RBFOX3: variants seen among roughly 807,000 people sequenced by gnomAD.
RBFOX3 encodes RNA binding fox-1 homolog 3.
In RBFOX3, 17 loss-of-function variants were observed where a neutral mutation model predicts 48.7. The observed-to-expected ratio is 0.35, with a 90% CI of 0.24 to 0.52. RBFOX3 has a LOEUF of 0.52. Ranked by LOEUF, RBFOX3 falls within the 20% of genes least tolerant of loss-of-function variation. The probability of loss-of-function intolerance (pLI) is 0.94; values close to 1 mark genes in which losing one functional copy is unlikely to be tolerated. For synonymous variants in RBFOX3, 212 were observed against 209.5 expected (o/e 1.01, Z -0.10); for missense variants, 382 against 497.5 (o/e 0.77, Z 2.21).
intron 1 of RBFOX3, among the ~76,000 whole-genome samples, chr17:79,555,979 C>A (rs916957022): frequency 1.1e-4 from 17 of 152,086 alleles, no homozygotes; most frequent in Admixed American, 3.9e-4. Flanking sequence ...AAACCCAATA[C>A]CATACAGTGA....
chr17:79,150,197 T>C (rs2144765406), intron 4 of RBFOX3, among the ~76,000 whole-genome samples: 1 of 151,376 alleles, frequency 6.6e-6, no homozygotes, highest in African/African-American at 2.4e-5. Flanking sequence ...GCGGCAGCTG[T>C]GGGCCACGAC....
At chr17:79,556,685 C>T (rs1043701909) in intron 1 of RBFOX3, among the ~76,000 whole-genome samples, 5 of 152,268 alleles carry the variant, frequency 3.3e-5, no homozygotes, top group East Asian at 3.9e-4. Flanking sequence ...GAAGAAAAGA[C>T]GGGCAAAATA....
At chr17:79,412,516 A>C (rs2148606486) in intron 2 of RBFOX3, among the ~76,000 whole-genome samples, 1 of 150,070 alleles carries the variant, frequency 6.7e-6, no homozygotes, top group South Asian at 2.1e-4. Context: ...GTGTGTATGA[A>C]TGCATTGTGT....
chr17:79,489,759 T>A (rs2080215753), intron 1 of RBFOX3, among the ~76,000 whole-genome samples: 1 of 152,160 alleles, frequency 6.6e-6, no homozygotes, highest in Admixed American at 6.5e-5. Flanking sequence ...CACTAGCTTC[T>A]CCCTGGGTGC....
Position 79,481,949 on chromosome 17 carries a change from C to T in RBFOX3, c.-175+505G>A, listed in dbSNP as rs1446126588. On this transcript the variant is annotated intron_variant, in intron 2 of 14. Transcript: ENST00000693108. This position sits in a 1 kb window ranked among gnomAD's most constrained non-coding sequence, Gnocchi z 5.4. The stretch of plus-strand genomic sequence containing the variant: ...CAAACCCTGTGGAGTCTGACGCTGA[C>T]TCCGGCGGTTAGTGTCAGAGCTGAA... Among the ~76,000 whole-genome samples, 2 of 152,170 alleles carry T rather than the reference C, an allele frequency of 1.3e-5. No homozygotes were observed. The highest frequency in any genetic ancestry group is 4.8e-5 in the African/African-American group (2 of 41,442).
At chr17:79,191,011 A>G (rs977098) in intron 4 of RBFOX3, among the ~76,000 whole-genome samples, 3 of 152,172 alleles carry the variant, frequency 2.0e-5, no homozygotes, top group Non-Finnish European at 2.9e-5. Context: ...AACTGAGGAA[A>G]CAGCATTCAG....
intron 2 of RBFOX3, among the ~76,000 whole-genome samples, chr17:79,372,030 G>A (rs896206109): frequency 9.9e-5 from 15 of 152,234 alleles, no homozygotes; most frequent in Middle Eastern, 3.4e-3. Context: ...AGGCAGGTTC[G>A]AGGAGACCCT....
chr17:79,216,470 A>G (rs1205095582), intron 4 of RBFOX3, among the ~76,000 whole-genome samples: 1 of 152,008 alleles, frequency 6.6e-6, no homozygotes, highest in Non-Finnish European at 1.5e-5. Flanking sequence ...GCATTGTAGG[A>G]GCAGCTTAGA....
intron 2 of RBFOX3, among the ~76,000 whole-genome samples, chr17:79,463,700 ACCACTGCCACCTCCACCG>A (rs1190728594): frequency 8.5e-6 from 1 of 117,152 alleles, no homozygotes; most frequent in Non-Finnish European, 1.7e-5. Context: ...CACTGCCATC[ACCACTGCCACCTCCACCG>A]CCACTGCCAC....
chr17:79,521,630 C>T (rs2086116739), intron 1 of RBFOX3, among the ~76,000 whole-genome samples: 8 of 152,120 alleles, frequency 5.3e-5, no homozygotes. Flanking sequence ...CAGACATACT[C>T]ATATACACTC....
intron 4 of RBFOX3, among the ~76,000 whole-genome samples, chr17:79,213,128 A>C (rs2058593298): frequency 6.6e-6 from 1 of 152,174 alleles, no homozygotes. Flanking sequence ...AAGTGCTGGG[A>C]TTACAGGTGT....
chr17:79,635,916 G>A, the RBFOX3 span, among the ~76,000 whole-genome samples: 1 of 152,174 alleles, frequency 6.6e-6, no homozygotes, highest in Non-Finnish European at 1.5e-5. Context: ...TACCAGGATA[G>A]AACAAGGTTC....
chr17:79,399,035 A>G (rs59810835), intron 2 of RBFOX3, among the ~76,000 whole-genome samples: 17,519 of 152,204 alleles, frequency 0.12, 1,268 homozygotes, highest in Middle Eastern at 0.18. Context: ...AGAAGGACGC[A>G]TGACGGCAGA....
intron 2 of RBFOX3, among the ~76,000 whole-genome samples, chr17:79,399,537 G>T (rs760954182): frequency 3.9e-5 from 6 of 151,986 alleles, no homozygotes; most frequent in Non-Finnish European, 7.4e-5. Context: ...CACCATCAGG[G>T]GTCATCAAAT....
At position 79,170,292 on chromosome 17, in the gene RBFOX3, T is replaced by C. The variant is rs374161305; in HGVS notation, c.-33-54544A>G. Among the ~76,000 whole-genome samples the C allele has an allele frequency of 8.5e-5, 13 of 152,076 alleles. No homozygotes were observed. The East Asian group carries it at 2.1e-3, about 25-fold the overall frequency. On this transcript the variant is annotated intron_variant, in intron 4 of 14. Transcript: ENST00000693108. ...AGCTTCCAGGAGGGCCAAGTGTTCA[T>C]GGCTGGCTGGGGTACCGGCTCCGGT...
chr17:79,127,125 T>C (rs2037505334), intron 4 of RBFOX3, among the ~76,000 whole-genome samples: 1 of 152,236 alleles, frequency 6.6e-6, no homozygotes, highest in African/African-American at 2.4e-5. Context: ...CAAATGGCTC[T>C]GGTTGGATCT....
At chr17:79,555,730 ATGG>A (rs1255905815) in intron 1 of RBFOX3, among the ~76,000 whole-genome samples, 5 of 152,186 alleles carry the variant, frequency 3.3e-5, no homozygotes. Context: ...GATGGCAGTG[ATGG>A]TGATTATGAT....
rs576139738 is a variant in RBFOX3, at chr17:79,276,129, G to A, written c.-74+31595C>T. ...GAGGCAGAAGCCACACAAAGGCCCC[G>A]CGTGGCATGATTCCATTCACGTGAC... On this transcript the variant is annotated intron_variant, in intron 3 of 14. Coordinates refer to ENST00000693108, the MANE Select transcript of RBFOX3 (RefSeq NM_001350451.2). Among the ~76,000 whole-genome samples the A allele has an allele frequency of 2.1e-3, 324 of 152,284 alleles. 1 individual carries two copies. The highest frequency in any genetic ancestry group is 3.9e-3 in the Non-Finnish European group (264 of 68,038).
intron 3 of RBFOX3, among the ~76,000 whole-genome samples, chr17:79,288,989 G>C (rs891343176): frequency 2.0e-5 from 3 of 152,284 alleles, no homozygotes; most frequent in Middle Eastern, 3.4e-3. Flanking sequence ...GTGAGCCCCA[G>C]GGACTGGGGT....
Sources: allele counts gnomAD v4.1 joint callset (sites outside exome capture counted in the v4.1 genomes callset), GRCh38; gene constraint gnomAD v4.1.1; non-coding constraint Gnocchi (gnomAD v3.1); transcripts MANE v1.5; gene names NCBI Gene and HGNC (gene_info 2026-07-23, HGNC 2026-07-21).